The following SLCO3A1 variants were observed in gnomAD, a reference collection of about 807,000 sequenced individuals.
The protein encoded by SLCO3A1 is solute carrier organic anion transporter family member 3A1.
A neutral mutation model predicts 63.1 loss-of-function variants in SLCO3A1; 27 were observed. That is an observed-to-expected ratio of 0.43 (90% confidence interval 0.32 to 0.59). The LOEUF is 0.59. Among genes scored for constraint, SLCO3A1 ranks in the 20% least tolerant of loss-of-function variants. SLCO3A1 has a pLI of 0.09. For missense variants in SLCO3A1, 773 were observed against 945.8 expected (o/e 0.82, Z 2.40); for synonymous variants, 473 against 409.9 (o/e 1.15, Z -1.86).
intron 9 of SLCO3A1, among the ~76,000 whole-genome samples, chr15:92,159,934 G>A (rs2048416638): frequency 1.3e-5 from 2 of 152,030 alleles, no homozygotes; most frequent in African/African-American, 4.8e-5. Flanking sequence ...TTCCTTTGAT[G>A]TGCTTAAAAT....
chr15:91,905,141 C>T (rs1898263287), intron 1 of SLCO3A1, among the ~76,000 whole-genome samples: 1 of 152,230 alleles, frequency 6.6e-6, no homozygotes, highest in Admixed American at 6.5e-5. Flanking sequence ...CAGGGAAATA[C>T]AGCTATAATC....
At chr15:92,039,622 T>G (rs1746899398) in intron 2 of SLCO3A1, among the ~76,000 whole-genome samples, 1 of 152,202 alleles carries the variant, frequency 6.6e-6, no homozygotes, top group Admixed American at 6.5e-5. Flanking sequence ...TTGGTGGGAA[T>G]GTAAATTAGT....
chr15:91,959,293 G>A (rs900485105), intron 2 of SLCO3A1, among the ~76,000 whole-genome samples: 5 of 152,156 alleles, frequency 3.3e-5, no homozygotes, highest in Admixed American at 2.6e-4. Context: ...GTTGGAAGGC[G>A]GGTGAGGGAT....
intron 2 of SLCO3A1, among the ~76,000 whole-genome samples, chr15:91,962,334 C>T (rs1900477815): frequency 6.6e-6 from 1 of 152,092 alleles, no homozygotes; most frequent in Admixed American, 6.5e-5. Context: ...ACAAAATTAG[C>T]CAGGCATGGT....
chr15:91,954,715 G>C lies in SLCO3A1; in HGVS notation c.646+38257G>C, dbSNP rs1366517772. On this transcript the variant is annotated intron_variant, in intron 2 of 9. Coordinates refer to ENST00000318445, the MANE Select transcript of SLCO3A1 (RefSeq NM_013272.4). This position sits in a 1 kb window ranked among gnomAD's most constrained non-coding sequence, Gnocchi z 4.7. ...TGTGGTTAGAGCCCAATGAGTGAGG[G>C]GGGTAAAGATGGGGAGAGGGGTTGA... 6.6e-6 allele frequency among the ~76,000 whole-genome samples: 1 copy of C among 151,984 alleles called. No homozygotes were observed. Among genetic ancestry groups the C allele is most frequent in the Non-Finnish European group, 1.5e-5 (1 of 67,992 alleles).
rs1897712647 is a variant in SLCO3A1, at chr15:91,885,910, C to T, written c.181-30083C>T. Among the ~76,000 whole-genome samples, 1 of 151,966 alleles carries T rather than the reference C, an allele frequency of 6.6e-6. No individual in the cohort carries two copies. The highest frequency in any genetic ancestry group is 1.5e-5 in the Non-Finnish European group (1 of 67,984). ...CAGAGGGACTAGGAAGTGCAAAGGCCCTGGGGTTGAAATATGCTTGATGTG... is the reference window on the plus strand; with the variant it reads ...CAGAGGGACTAGGAAGTGCAAAGGCTCTGGGGTTGAAATATGCTTGATGTG... On this transcript the variant is annotated intron_variant, in intron 1 of 9. Coordinates refer to ENST00000318445, the MANE Select transcript of SLCO3A1 (RefSeq NM_013272.4). The surrounding 1 kb of genome is among the most constrained non-coding windows in gnomAD (Gnocchi z 4.7).
chr15:91,898,635 T>C (rs906682779), intron 1 of SLCO3A1, among the ~76,000 whole-genome samples: 2 of 152,298 alleles, frequency 1.3e-5, no homozygotes, highest in Admixed American at 6.5e-5. Context: ...TGACATCTTC[T>C]TCTTCCCTTA....
At position 91,853,734 on chromosome 15, in the gene SLCO3A1, G is replaced by T. The variant is rs1896834680; in HGVS notation, c.-175G>T. The T allele has an allele frequency of 1.8e-6, 1 of 571,240 alleles. No homozygotes were observed. The highest frequency in any genetic ancestry group is 2.3e-6 in the Non-Finnish European group (1 of 440,952). 35.4% of individuals were successfully genotyped at this position (571,240 alleles called of 1,614,324 possible). A position where few individuals can be genotyped will look rare whatever the true frequency, so the allele number is the denominator to read the frequency against. Reference sequence around the variant, plus strand: ...CGATCGCGGCGGCGGCGGCGGCGGCGAGGAGCTGTGCCTTCCACCTCTCCA... The same window carrying T: ...CGATCGCGGCGGCGGCGGCGGCGGCTAGGAGCTGTGCCTTCCACCTCTCCA... On this transcript the variant is annotated 5_prime_UTR_variant, in exon 1 of 10. Transcript: ENST00000318445.
At chr15:91,898,227 C>T (rs1898056935) in intron 1 of SLCO3A1, among the ~76,000 whole-genome samples, 1 of 152,192 alleles carries the variant, frequency 6.6e-6, no homozygotes, top group African/African-American at 2.4e-5. Flanking sequence ...TAGGCAATAA[C>T]CACTTTCTCA....
intron 1 of SLCO3A1, among the ~76,000 whole-genome samples, chr15:91,908,028 G>A (rs1024453375): frequency 1.4e-4 from 22 of 152,294 alleles, no homozygotes; most frequent in African/African-American, 4.6e-4. Context: ...ACTGTGACGT[G>A]CAGGTGTGCA....
At position 92,029,839 on chromosome 15, in the gene SLCO3A1, G is replaced by A. The variant is rs184269969; in HGVS notation, c.647-65042G>A. Among the ~76,000 whole-genome samples, 428 of 112,990 alleles carry A rather than the reference G, an allele frequency of 3.8e-3. 2 individuals carry two copies. Among genetic ancestry groups the A allele is most frequent in the Non-Finnish European group, 4.4e-3 (247 of 55,582 alleles). The allele number at this position is 112,990 out of a possible 152,430, so 74.1% of individuals were successfully genotyped here. ...CATACATTTTTAATAGAACTCTTCCGTCTCACGTTATGAGAGATAAAAGAT... is the reference window on the plus strand; with the variant it reads ...CATACATTTTTAATAGAACTCTTCCATCTCACGTTATGAGAGATAAAAGAT... On this transcript the variant is annotated intron_variant, in intron 2 of 9. Transcript: ENST00000318445.
rs1199617032 is a variant in SLCO3A1 at position 92,147,112 on chromosome 15, C to T, written c.1641C>T (p.Ser547=). 1 of 1,612,538 alleles carries T rather than the reference C, an allele frequency of 6.2e-7. No individual in the cohort carries two copies. The highest frequency in any genetic ancestry group is 8.5e-7 in the Non-Finnish European group (1 of 1,179,958). The part of the protein sequence containing the change: ...LTFLCVMCIC[S]LIGAMAQTPS... Reference sequence around the variant, plus strand: ...TCCTCTGTGTGATGTGTATCTGCAGCCTGATCGGTGCCATGGCACAGACAC... The same window carrying T: ...TCCTCTGTGTGATGTGTATCTGCAGTCTGATCGGTGCCATGGCACAGACAC... The change falls in exon 8 of 10, where the codon AGC becomes AGT. Residue 547 remains serine (S), a synonymous_variant. Coordinates refer to ENST00000318445, the MANE Select transcript of SLCO3A1 (RefSeq NM_013272.4).
At position 91,894,951 on chromosome 15, in the gene SLCO3A1, G is replaced by A. The variant is rs1483791214; in HGVS notation, c.181-21042G>A. Among the ~76,000 whole-genome samples the A allele has an allele frequency of 2.6e-5, 4 of 152,176 alleles. No homozygotes were observed. The highest frequency in any genetic ancestry group is 3.8e-4 in the East Asian group (2 of 5,196). ...TGTTCCTAATCCATACCTGCATCCT[G>A]GACTTGTGGCTGTGAGTCTCCAGAG... On this transcript the variant is annotated intron_variant, in intron 1 of 9. Coordinates refer to ENST00000318445, the MANE Select transcript of SLCO3A1 (RefSeq NM_013272.4). The surrounding 1 kb of genome is among the most constrained non-coding windows in gnomAD (Gnocchi z 4.8).
At chr15:92,127,834 C>T (rs2047943837) in intron 6 of SLCO3A1, among the ~76,000 whole-genome samples, 1 of 152,138 alleles carries the variant, frequency 6.6e-6, no homozygotes, top group African/African-American at 2.4e-5. Flanking sequence ...CATCATGAGG[C>T]TTCCTGACTG....
chr15:91,905,044 G>A (rs115698734), intron 1 of SLCO3A1, among the ~76,000 whole-genome samples: 322 of 152,342 alleles, frequency 2.1e-3, no homozygotes, highest in African/African-American at 7.4e-3. Context: ...AAAGAAATGA[G>A]ATGCTTACGC....
Position 92,146,482 on chromosome 15 carries a change from G to A in SLCO3A1, c.1513-502G>A, listed in dbSNP as rs558574906. Among the ~76,000 whole-genome samples, 10 of 152,314 alleles carry A rather than the reference G, an allele frequency of 6.6e-5. No homozygotes were observed. The South Asian group carries it at 1.7e-3, about 25-fold the overall frequency. On this transcript the variant is annotated intron_variant, in intron 7 of 9. Coordinates refer to ENST00000318445, the MANE Select transcript of SLCO3A1 (RefSeq NM_013272.4). ...GTCCCTCGCCCAGCCTTGCAGACGC[G>A]GTGACTTCACGCGTGACAGCGTGCA...
chr15:92,049,291 G>A (rs2046928497), intron 2 of SLCO3A1, among the ~76,000 whole-genome samples: 2 of 152,164 alleles, frequency 1.3e-5, no homozygotes, highest in African/African-American at 2.4e-5. Context: ...CTTAGTCTCT[G>A]TGTCTGAAAT....
chr15:91,993,313 A>G (rs996403875), intron 2 of SLCO3A1, among the ~76,000 whole-genome samples: 4 of 152,220 alleles, frequency 2.6e-5, no homozygotes, highest in African/African-American at 7.2e-5. Context: ...ATATATTTAG[A>G]TGAAAGAGAA....
In SLCO3A1 at chr15:91,875,234, C is replaced by T. The variant is rs903350270; in HGVS notation, c.180+21146C>T. Among the ~76,000 whole-genome samples, 5 of 152,262 alleles carry T rather than the reference C, an allele frequency of 3.3e-5. No homozygotes were observed. The highest frequency in any genetic ancestry group is 2.1e-4 in the South Asian group (1 of 4,818). ...GTCATCTCATTTAGTCCTTTAGGGG[C>T]GGCAGTGTTGTCCCACATTGTAGCT... On this transcript the variant is annotated intron_variant, in intron 1 of 9. Transcript: ENST00000318445. The surrounding 1 kb of genome is among the most constrained non-coding windows in gnomAD (Gnocchi z 4.5).
Sources: gnomAD v4.1 joint callset for allele counts (sites outside exome capture counted in the v4.1 genomes callset) on GRCh38, gnomAD v4.1.1 for gene constraint, Gnocchi (gnomAD v3.1) non-coding constraint, MANE v1.5 for transcripts, NCBI Gene and HGNC (gene_info 2026-07-23, HGNC 2026-07-21) for gene names.